CFAP61: variants seen among roughly 807,000 people sequenced by gnomAD.
CFAP61 encodes cilia- and flagella-associated protein 61.
In CFAP61, 107 loss-of-function variants were observed where a neutral mutation model predicts 135.6. That is an observed-to-expected ratio of 0.79 (90% CI 0.67 to 0.93). The LOEUF (loss-of-function observed/expected upper bound fraction) is 0.93. CFAP61 is among the 40% of genes least tolerant of loss of function. The probability of loss-of-function intolerance (pLI) is 0.00; values close to 1 mark genes in which losing one functional copy is unlikely to be tolerated. For missense variants in CFAP61, 1,507 were observed against 1,556.2 expected, an observed-to-expected ratio of 0.97 and a Z score of 0.53; for synonymous variants, 575 against 578.5, an observed-to-expected ratio of 0.99 and a Z score of 0.09.
chr20:20,302,695 G>A (rs1245358007), intron 25 of CFAP61, among the ~76,000 whole-genome samples: 5 of 140,806 alleles, frequency 3.6e-5, no homozygotes, highest in African/African-American at 1.6e-4. Context: ...TAGGGGTAGT[G>A]AGGGGTAGTG....
chr20:20,298,730 A>G (rs957903943), intron 25 of CFAP61, among the ~76,000 whole-genome samples: 1 of 152,140 alleles, frequency 6.6e-6, no homozygotes, highest in African/African-American at 2.4e-5. Flanking sequence ...TCAATTTGGG[A>G]ACAGCATGAG....
chr20:20,147,280 A>G (rs1440934776), intron 9 of CFAP61, among the ~76,000 whole-genome samples: 1 of 152,200 alleles, frequency 6.6e-6, no homozygotes, highest in Non-Finnish European at 1.5e-5. Flanking sequence ...GGATTACTGG[A>G]TCAAATGGTA....
chr20:20,262,800 TTG>T (rs141885525), intron 20 of CFAP61, among the ~76,000 whole-genome samples, 154 bp from the exon 21 acceptor site: 13,365 of 124,672 alleles, frequency 0.11, 1,935 homozygotes, highest in African/African-American at 0.34. Context: ...CCACCTGTTT[TTG>T]TGTTTTTTTT....
At chr20:20,279,404 G>A (rs1431928321) in intron 22 of CFAP61, among the ~76,000 whole-genome samples, 1 of 152,122 alleles carries the variant, frequency 6.6e-6, no homozygotes, top group Non-Finnish European at 1.5e-5. Context: ...TATATGTATT[G>A]TATACTCTAT....
intron 26 of CFAP61, among the ~76,000 whole-genome samples, chr20:20,348,796 C>G (rs2058729794): frequency 1.1e-5 from 1 of 89,012 alleles, no homozygotes; most frequent in Non-Finnish European, 2.6e-5. Flanking sequence ...GGTAAAAACA[C>G]TAAAAAAAAA....
chr20:20,285,434 T>C (rs1041828065), intron 22 of CFAP61, among the ~76,000 whole-genome samples: 2 of 152,190 alleles, frequency 1.3e-5, no homozygotes, highest in African/African-American at 4.8e-5. Flanking sequence ...ACATATCTGT[T>C]AAGAGTTTTT....
intron 10 of CFAP61, among the ~76,000 whole-genome samples, chr20:20,161,394 G>A (rs73903320): frequency 0.19 from 28,681 of 152,074 alleles, 2,985 homozygotes; most frequent in Non-Finnish European, 0.24. Flanking sequence ...ACAGTAAAGG[G>A]ATAAAAAGGG....
chr20:20,251,282 CAGA>C (rs2050870893), intron 19 of CFAP61, among the ~76,000 whole-genome samples: 1 of 151,952 alleles, frequency 6.6e-6, no homozygotes, highest in African/African-American at 2.4e-5. Context: ...GAAGTAGAAG[CAGA>C]AGAAAGGTAT....
intron 18 of CFAP61, among the ~76,000 whole-genome samples, chr20:20,235,301 TCTC>T (rs2049496747): frequency 6.6e-6 from 1 of 152,132 alleles, no homozygotes; most frequent in Non-Finnish European, 1.5e-5. Context: ...CTCAGTTTTC[TCTC>T]CTCCTTGAAC....
At chr20:20,153,013 A>T (rs1000723129) in intron 9 of CFAP61, among the ~76,000 whole-genome samples, 8 of 152,190 alleles carry the variant, frequency 5.3e-5, no homozygotes, top group African/African-American at 1.9e-4. Context: ...TTGAAATTAT[A>T]TCAAGTACCC....
At position 20,166,330 on chromosome 20, in the gene CFAP61, CTG is replaced by C. The variant is rs1237072925; in HGVS notation, c.1206-65_1206-64del. 4 of 1,346,158 alleles carry C rather than the reference CTG, an allele frequency of 3.0e-6. No homozygotes were observed. In the African/African-American group the frequency reaches 5.7e-5, roughly 19 times the overall value. 83.4% of individuals were successfully genotyped at this position (1,346,158 alleles called of 1,614,324 possible). ...CCCGAGGGGAGGGAGCTGTAAATCTCTGTAAACGTCCACTGATGTTGCATTTG... is the reference window on the plus strand; with the variant it reads ...CCCGAGGGGAGGGAGCTGTAAATCTCTAAACGTCCACTGATGTTGCATTTG... On this transcript the variant is annotated intron_variant, in intron 11 of 26. Coordinates refer to ENST00000245957, the MANE Select transcript of CFAP61 (RefSeq NM_015585.4).
At chr20:20,177,388 A>G (rs1326456500) in intron 13 of CFAP61, among the ~76,000 whole-genome samples, 7 of 152,124 alleles carry the variant, frequency 4.6e-5, no homozygotes, top group Non-Finnish European at 4.4e-5. Context: ...GTCTGGAGAT[A>G]GGCAGGGCTT....
chr20:20,065,298 A>G (rs6081860), intron 2 of CFAP61, among the ~76,000 whole-genome samples: 1 of 152,020 alleles, frequency 6.6e-6, no homozygotes, highest in Non-Finnish European at 1.5e-5. Flanking sequence ...GGAACCTAGC[A>G]TGATCTTCAC....
At chr20:20,064,839 A>G (rs557422226) in intron 2 of CFAP61, among the ~76,000 whole-genome samples, 49 of 152,300 alleles carry the variant, frequency 3.2e-4, no homozygotes, top group African/African-American at 1.2e-3. Context: ...TTATTTGTCA[A>G]GCTTAATGAG....
intron 13 of CFAP61, among the ~76,000 whole-genome samples, chr20:20,184,217 G>T (rs1350024482): frequency 6.6e-6 from 1 of 152,134 alleles, no homozygotes; most frequent in Non-Finnish European, 1.5e-5. Flanking sequence ...TTATAACTCA[G>T]TTGTAGTATT....
chr20:20,257,641 GAAAA>G (rs1390550189), intron 20 of CFAP61, among the ~76,000 whole-genome samples: 5 of 143,782 alleles, frequency 3.5e-5, no homozygotes, highest in East Asian at 4.1e-4. Context: ...AAAAAAAAAA[GAAAA>G]AGAAAGAAAG....
At chr20:20,308,314 A>T (rs2122181225) in intron 25 of CFAP61, among the ~76,000 whole-genome samples, 1 of 152,314 alleles carries the variant, frequency 6.6e-6, no homozygotes, top group East Asian at 1.9e-4. Flanking sequence ...TGTAGCTATC[A>T]GATGCGTGCT....
intron 2 of CFAP61, 27 bp from the exon 3 acceptor site, chr20:20,070,827 T>G (rs993574107): frequency 5.0e-6 from 8 of 1,600,440 alleles, no homozygotes; most frequent in Non-Finnish European, 6.8e-6. Flanking sequence ...ATCTTATTCA[T>G]GTTTGCAATT....
chr20:20,238,015 A>T (rs2049730853), intron 18 of CFAP61, among the ~76,000 whole-genome samples: 2 of 152,248 alleles, frequency 1.3e-5, no homozygotes, highest in African/African-American at 4.8e-5. Flanking sequence ...GTGTATATTT[A>T]AAATCCTCCA....
Sources: gnomAD v4.1 joint callset for allele counts (sites outside exome capture counted in the v4.1 genomes callset) on GRCh38, gnomAD v4.1.1 for gene constraint, MANE v1.5 for transcripts, NCBI Gene and HGNC (gene_info 2026-07-23, HGNC 2026-07-21) for gene names.